SLC25A12: variants seen among roughly 807,000 people sequenced by gnomAD.
SLC25A12 encodes the protein electrogenic aspartate/glutamate antiporter SLC25A12, mitochondrial.
Under a neutral mutation model 83.3 loss-of-function variants are expected in SLC25A12, and 32 were observed. The ratio of observed to expected loss-of-function variants is 0.38; its 90% CI spans 0.29 to 0.52. SLC25A12 has a LOEUF of 0.52. Among genes scored for constraint, SLC25A12 ranks in the 20% least tolerant of loss-of-function variants. The pLI is 0.84. For missense variants in SLC25A12, 611 were observed against 835.6 expected, an observed-to-expected ratio of 0.73 and a Z score of 3.31; for synonymous variants, 267 against 291.1, an observed-to-expected ratio of 0.92 and a Z score of 0.84.
chr2:171,815,219 G>C lies in SLC25A12; in HGVS notation c.931-17C>G, dbSNP rs778420782. On this transcript the variant is annotated splice_polypyrimidine_tract_variant and intron_variant, in intron 9 of 17. Transcript: ENST00000422440. ...AGGAGACTGCTGCAGAGAAGAAAAC[G>C]GGTAAAAAAAAATCTTGAAAGCGCA... is the stretch of plus-strand genomic sequence containing the variant. The C allele has an allele frequency of 2.9e-5, 46 of 1,595,176 alleles. No individual in the cohort carries two copies. The highest frequency in any genetic ancestry group is 3.0e-5 in the Non-Finnish European group (35 of 1,163,264).
intron 13 of SLC25A12, among the ~76,000 whole-genome samples, chr2:171,797,389 ATG>A (rs1162917003): frequency 6.6e-6 from 1 of 152,232 alleles, no homozygotes; most frequent in African/African-American, 2.4e-5. Flanking sequence ...GATCATAAAT[ATG>A]TCAAAATTTA....
At chr2:171,802,723 C>G (rs1304468078) in intron 13 of SLC25A12, among the ~76,000 whole-genome samples, 1 of 152,184 alleles carries the variant, frequency 6.6e-6, no homozygotes. Context: ...TTGCAGTGAG[C>G]CAAGATCACG....
intron 2 of SLC25A12, among the ~76,000 whole-genome samples, chr2:171,882,331 G>A (rs1685713092): frequency 6.6e-6 from 1 of 152,220 alleles, no homozygotes; most frequent in Non-Finnish European, 1.5e-5. Flanking sequence ...ATGTGAACCA[G>A]ATCTGGCCAA....
chr2:171,879,973 A>T (rs1685655667), intron 2 of SLC25A12, among the ~76,000 whole-genome samples: 1 of 152,212 alleles, frequency 6.6e-6, no homozygotes, highest in African/African-American at 2.4e-5. Context: ...GACACTCAAA[A>T]GAAATTGATG....
At chr2:171,813,212 TA>T (rs1368778294) in intron 11 of SLC25A12, 126 bp downstream of exon 11, 3 of 924,090 alleles carry the variant, frequency 3.2e-6, no homozygotes, top group African/African-American at 1.7e-5. Flanking sequence ...AAAGAGAAAA[TA>T]AAAAGAGAGA....
At chr2:171,849,903 G>C (rs751985184) in intron 4 of SLC25A12, among the ~76,000 whole-genome samples, 6 of 151,910 alleles carry the variant, frequency 3.9e-5, no homozygotes, top group African/African-American at 9.7e-5. Flanking sequence ...CCAGGTTCAA[G>C]AGATTATCCC....
At chr2:171,890,624 G>A (rs1197291252) in intron 2 of SLC25A12, among the ~76,000 whole-genome samples, 1 of 152,168 alleles carries the variant, frequency 6.6e-6, no homozygotes, top group Non-Finnish European at 1.5e-5. Flanking sequence ...TGGGACCACA[G>A]ATGGATGCCA....
At chr2:171,799,018 C>CCATGCAAGCACACAGCAGCAAGGTA (rs1344638609) in intron 13 of SLC25A12, among the ~76,000 whole-genome samples, 11 of 152,030 alleles carry the variant, frequency 7.2e-5, no homozygotes, top group South Asian at 4.2e-4. Flanking sequence ...GTCTCTCCTA[C>CCATGCAAGCACACAGCAGCAAGGTA]CATGCAAGCA....
chr2:171,850,537 G>A (rs538847955), intron 4 of SLC25A12, among the ~76,000 whole-genome samples: 12 of 150,920 alleles, frequency 8.0e-5, no homozygotes, highest in Non-Finnish European at 1.5e-4. Flanking sequence ...TAGTAGAGAT[G>A]GGGTTTCACC....
Position 171,814,980 on chromosome 2 carries a change from T to C in SLC25A12, c.1012+141A>G, listed in dbSNP as rs1684020277. 4 of 708,786 alleles carry C rather than the reference T, an allele frequency of 5.6e-6. No individual in the cohort carries two copies. The Admixed American group carries it at 6.0e-5, about 11-fold the overall frequency. The allele number at this position is 708,786 out of a possible 1,614,324, so 43.9% of individuals were successfully genotyped here. On this transcript the variant is annotated intron_variant, in intron 10 of 17. Transcript: ENST00000422440. The stretch of plus-strand genomic sequence containing the variant: ...CTACGACAAGTCTCCTGATCATAGG[T>C]AAAAATAAAGAACACTTCAGAAAGC...
intron 9 of SLC25A12, among the ~76,000 whole-genome samples, chr2:171,820,355 A>T (rs6760680): frequency 0.76 from 116,110 of 151,982 alleles, 45,508 homozygotes; most frequent in East Asian, 0.9. Context: ...TTTTTTAAAG[A>T]AAGTACATAT....
At chr2:171,787,170 C>T (rs1690504176) in intron 17 of SLC25A12, among the ~76,000 whole-genome samples, 1 of 151,980 alleles carries the variant, frequency 6.6e-6, no homozygotes, top group African/African-American at 2.4e-5. Flanking sequence ...TAAAAAAGTA[C>T]AAAAATTAGC....
intron 2 of SLC25A12, among the ~76,000 whole-genome samples, 167 bp downstream of exon 2, chr2:171,893,038 G>T (rs1485605615): frequency 6.6e-6 from 1 of 151,588 alleles, no homozygotes; most frequent in Admixed American, 6.6e-5. Context: ...ATTAAAAGAA[G>T]GCCTTAAATC....
In SLC25A12 at chr2:171,819,732, A is replaced by G. The variant is rs192379667; in HGVS notation, c.931-4530T>C. Among the ~76,000 whole-genome samples the G allele has an allele frequency of 2.8e-3, 433 of 152,146 alleles. 4 individuals are homozygous for G. Among genetic ancestry groups the G allele is most frequent in the Non-Finnish European group, 4.7e-3 (318 of 68,000 alleles). On this transcript the variant is annotated intron_variant, in intron 9 of 17. Transcript: ENST00000422440. ...AGAGGTAAAATGTTCCAAAAAAAGG[A>G]ATTCCTAAATGGACAGTAATGTCTT...
intron 2 of SLC25A12, among the ~76,000 whole-genome samples, chr2:171,887,557 A>G (rs1227055873): frequency 6.6e-6 from 1 of 152,216 alleles, no homozygotes; most frequent in Non-Finnish European, 1.5e-5. Context: ...TTAACTCTTC[A>G]TTTAGAAATT....
intron 5 of SLC25A12, among the ~76,000 whole-genome samples, chr2:171,839,039 T>C (rs1394819473): frequency 2.0e-5 from 3 of 152,148 alleles, no homozygotes; most frequent in Non-Finnish European, 4.4e-5. Flanking sequence ...TTATACAGTA[T>C]AATTAAAACA....
intron 13 of SLC25A12, among the ~76,000 whole-genome samples, chr2:171,799,373 T>C (rs1191989526): frequency 6.6e-6 from 1 of 152,212 alleles, no homozygotes; most frequent in African/African-American, 2.4e-5. Flanking sequence ...GGCATAAAGT[T>C]GGACTACACT....
At chr2:171,812,010 A>G (rs143118653) in intron 11 of SLC25A12, among the ~76,000 whole-genome samples, 105 of 152,308 alleles carry the variant, frequency 6.9e-4, no homozygotes, top group African/African-American at 2.4e-3. Flanking sequence ...CAGTTAAAAC[A>G]AGCATTCACA....
chr2:171,785,606 T>C (rs1218977620), intron 17 of SLC25A12, 131 bp from the exon 18 acceptor site: 1 of 802,200 alleles, frequency 1.2e-6, no homozygotes, highest in Non-Finnish European at 2.1e-6. Flanking sequence ...ATGGCATCTG[T>C]GCTGCATGAC....
Sources: gnomAD v4.1 joint callset for allele counts (sites outside exome capture counted in the v4.1 genomes callset) on GRCh38, gnomAD v4.1.1 for gene constraint, MANE v1.5 for transcripts, NCBI Gene and HGNC (gene_info 2026-07-23, HGNC 2026-07-21) for gene names.